CRYZ: variants seen among roughly 807,000 people sequenced by gnomAD.
CRYZ encodes crystallin zeta.
In CRYZ, 35 loss-of-function variants were observed where a neutral mutation model predicts 34.1. The observed-to-expected ratio is 1.03, with a 90% CI of 0.78 to 1.36. The LOEUF (loss-of-function observed/expected upper bound fraction) is 1.36. Ranked by LOEUF, CRYZ falls within the 40% of genes most tolerant of loss-of-function variation. The probability of loss-of-function intolerance (pLI) is 0.00; values close to 1 mark genes in which losing one functional copy is unlikely to be tolerated. For missense variants in CRYZ, 403 were observed against 391.8 expected (o/e 1.03, Z -0.24); for synonymous variants, 137 against 136.5 (o/e 1.00, Z -0.03).
At chr1:74,709,281 C>A (rs1030713835) in intron 6 of CRYZ, among the ~76,000 whole-genome samples, 1 of 152,104 alleles carries the variant, frequency 6.6e-6, no homozygotes, top group Non-Finnish European at 1.5e-5. Context: ...AAACCATACT[C>A]TTAAAATAAC....
At chr1:74,710,556 T>C (rs1646988034) in intron 5 of CRYZ, among the ~76,000 whole-genome samples, 1 of 152,164 alleles carries the variant, frequency 6.6e-6, no homozygotes, top group South Asian at 2.1e-4. Context: ...TTTGGCCAAG[T>C]CATATGCGGA....
At chr1:74,730,128 T>C (rs11487952) in intron 1 of CRYZ, among the ~76,000 whole-genome samples, 31,161 of 151,652 alleles carry the variant, frequency 0.21, 4,440 homozygotes, top group East Asian at 0.71. Context: ...TCTGTATCTT[T>C]CCCCCCCCAC....
rs1384408073 is a variant in CRYZ at position 74,733,018 on chromosome 1, T to C, written c.-76A>G. 4 of 581,676 alleles carry C rather than the reference T, an allele frequency of 6.9e-6. No individual in the cohort carries two copies. The highest frequency in any genetic ancestry group is 3.0e-5 in the East Asian group (1 of 33,382). The allele number at this position is 581,676 out of a possible 1,614,324, so 36.0% of individuals were successfully genotyped here. ...CTTCAGATTCCACAGAAATGAGGACTGCCACACCTTCTCCAACTTTTGCAG... is the reference window on the plus strand; with the variant it reads ...CTTCAGATTCCACAGAAATGAGGACCGCCACACCTTCTCCAACTTTTGCAG... On this transcript the variant is annotated 5_prime_UTR_variant, in exon 1 of 9. Transcript: ENST00000340866.
chr1:74,712,182 T>C (rs1471392449), intron 5 of CRYZ, among the ~76,000 whole-genome samples: 1 of 152,200 alleles, frequency 6.6e-6, no homozygotes, highest in Non-Finnish European at 1.5e-5. Flanking sequence ...TATATCTGAT[T>C]AGATGACAAA....
At chr1:74,719,180 G>C (rs764404931) in intron 4 of CRYZ, 29 bp downstream of exon 4, 1 of 1,605,474 alleles carries the variant, frequency 6.2e-7, no homozygotes. Context: ...TTTGGCATTG[G>C]CCATAAAATT....
intron 6 of CRYZ, chr1:74,707,663 G>C (rs142810516): frequency 6.5e-6 from 1 of 152,990 alleles, no homozygotes; most frequent in African/African-American, 2.4e-5. Flanking sequence ...ATTTGGTTTT[G>C]TTCTAAATGG....
Position 74,706,430 on chromosome 1 carries a change from G to A in CRYZ, c.856C>T (p.Leu286Phe), listed in dbSNP as rs769538331. 6 of 1,609,482 alleles carry A rather than the reference G, an allele frequency of 3.7e-6. No individual in the cohort carries two copies. The highest frequency in any genetic ancestry group is 2.2e-5 in the East Asian group (1 of 44,798). The change falls in exon 9 of 9, where the codon CTT becomes TTT. Residue 286 changes from leucine (L) to phenylalanine (F), a missense_variant. Transcript: ENST00000340866. ...CAGCCAATTTCCATTCCAGCTTGAA[G>A]GGCTGCTGCATATTGCTGAAATTCC... Reference protein sequence around the residue: ...KEEFQQYAAALQAGMEIGWLK... With the variant: ...KEEFQQYAAAFQAGMEIGWLK...
chr1:74,713,242 G>A (rs1647028201), intron 5 of CRYZ, among the ~76,000 whole-genome samples: 1 of 152,128 alleles, frequency 6.6e-6, no homozygotes, highest in Admixed American at 6.5e-5. Context: ...CTTTTTACAA[G>A]AGGGTAAAGG....
intron 1 of CRYZ, chr1:74,732,641 A>AGGGGGG (rs1647888001): frequency 4.8e-5 from 2 of 41,526 alleles, no homozygotes; most frequent in African/African-American, 2.0e-4. Flanking sequence ...GGGGACAGGG[A>AGGGGGG]GTGCGGGGGG....
intron 4 of CRYZ, 47 bp downstream of exon 4, chr1:74,719,162 T>C (rs776485828): frequency 6.3e-7 from 1 of 1,591,806 alleles, no homozygotes; most frequent in Non-Finnish European, 8.6e-7. Flanking sequence ...CAGTTAACAC[T>C]ACCCTCTTTT....
At chr1:74,724,910 C>G in intron 1 of CRYZ, 76 bp from the exon 2 acceptor site, 1 of 751,718 alleles carries the variant, frequency 1.3e-6, no homozygotes, top group South Asian at 1.8e-5. Context: ...CTGGAGGGAG[C>G]AGATCAAACA....
At chr1:74,720,418 G>A (rs1647143071) in intron 3 of CRYZ, among the ~76,000 whole-genome samples, 1 of 152,124 alleles carries the variant, frequency 6.6e-6, no homozygotes. Context: ...AGGACTCAGG[G>A]TGAAACAATG....
intron 1 of CRYZ, among the ~76,000 whole-genome samples, chr1:74,725,897 C>T (rs948009220): frequency 1.3e-5 from 2 of 152,182 alleles, no homozygotes; most frequent in Admixed American, 6.6e-5. Context: ...CAAAATCCAG[C>T]GAGACAGTCA....
chr1:74,724,739 A>T lies in CRYZ; in HGVS notation c.83T>A (p.Ile28Asn). The T allele has an allele frequency of 6.2e-7, 1 of 1,612,990 alleles. No homozygotes were observed. The highest frequency in any genetic ancestry group is 8.5e-7 in the Non-Finnish European group (1 of 1,179,286). ...ATGGTCTTTTGGAATCGGTACTGCA[A>T]TATCTGATCGCAATTTCAGGACTTC... ...GPEVLKLRSD[I>N]AVPIPKDHQV... Residue 28 changes from isoleucine to asparagine, a missense_variant, in exon 2 of 9, where the codon ATT becomes AAT. Physicochemically the swap from Ile to Asn is moderately radical, Grantham distance 149. Coordinates refer to ENST00000340866, the MANE Select transcript of CRYZ (RefSeq NM_001889.4).
At position 74,706,152 on chromosome 1, in the gene CRYZ, C is replaced by T. The variant is rs1034251381; in HGVS notation, c.*144G>A. On this transcript the variant is annotated 3_prime_UTR_variant, in exon 9 of 9. Transcript: ENST00000340866. ...CTATACAATAAATTTTACTCTTCTG[C>T]TTCTGCTCTCTAAAGAAAAATCTTA... 1.2e-5 allele frequency: 8 copies of T among 650,030 alleles called. No homozygotes were observed. Among genetic ancestry groups the T allele is most frequent in the Admixed American group, 3.4e-5 (1 of 29,184 alleles). 40.3% of individuals were successfully genotyped at this position (650,030 alleles called of 1,614,324 possible).
chr1:74,729,646 C>CA (rs143083074), intron 1 of CRYZ, among the ~76,000 whole-genome samples: 5,247 of 68,214 alleles, frequency 0.077, 287 homozygotes, highest in African/African-American at 0.21. Flanking sequence ...GACCCTGTCT[C>CA]AAAAAAAAAA....
At chr1:74,724,646 A>G (rs1008219904) in intron 2 of CRYZ, 65 bp downstream of exon 2, 1 of 1,003,992 alleles carries the variant, frequency 1.0e-6, no homozygotes, top group African/African-American at 1.6e-5. Context: ...CTTCTTTTTA[A>G]TACAATGTGC....
intron 2 of CRYZ, 25 bp from the exon 3 acceptor site, chr1:74,723,295 C>G: frequency 6.2e-7 from 1 of 1,602,070 alleles, no homozygotes; most frequent in Non-Finnish European, 8.5e-7. Flanking sequence ...TATTTTAGTT[C>G]ACAGAAAGAA....
At chr1:74,720,005 A>C (rs1647135937) in intron 3 of CRYZ, among the ~76,000 whole-genome samples, 1 of 152,054 alleles carries the variant, frequency 6.6e-6, no homozygotes, top group South Asian at 2.1e-4. Context: ...TTTCATCTTC[A>C]CAACAGCTAG....
Sources: allele counts gnomAD v4.1 joint callset (sites outside exome capture counted in the v4.1 genomes callset), GRCh38; gene constraint gnomAD v4.1.1; transcripts MANE v1.5; gene names NCBI Gene and HGNC (gene_info 2026-07-23, HGNC 2026-07-21).